The following CACNA1C variants were observed in gnomAD, a reference collection of about 807,000 sequenced individuals.
CACNA1C encodes the protein voltage-dependent L-type calcium channel subunit alpha-1C.
Under a neutral mutation model 229.0 loss-of-function variants are expected in CACNA1C, and 30 were observed. The ratio of observed to expected loss-of-function variants is 0.13; its 90% CI spans 0.10 to 0.18. The LOEUF (loss-of-function observed/expected upper bound fraction) is 0.18, where lower values mean the gene tolerates loss of function less well. Among genes scored for constraint, CACNA1C ranks in the 10% least tolerant of loss-of-function variants. The pLI is 1.00. For missense variants in CACNA1C, 1,658 were observed against 2,845.0 expected, an observed-to-expected ratio of 0.58 and a Z score of 9.49; for synonymous variants, 1,114 against 1,132.5, an observed-to-expected ratio of 0.98 and a Z score of 0.33.
At position 2,147,476 on chromosome 12, in the gene CACNA1C, G is replaced by T. The variant is rs1019530613; in HGVS notation, c.477+27046G>T. On this transcript the variant is annotated intron_variant, in intron 3 of 46. Coordinates refer to ENST00000399655, the MANE Select transcript of CACNA1C (RefSeq NM_000719.7). ...CTAGCTTTATTGGTATTGGGGCTTT[G>T]CCAGAATTATCTGCTATTAAATACT... 2.0e-5 allele frequency among the ~76,000 whole-genome samples: 3 copies of T among 151,302 alleles called. 1 individual carries two copies. Among genetic ancestry groups the T allele is most frequent in the Non-Finnish European group, 4.4e-5 (3 of 67,666 alleles).
At chr12:2,673,489 C>T (rs2096652722) in intron 38 of CACNA1C, among the ~76,000 whole-genome samples, 1 of 151,320 alleles carries the variant, frequency 6.6e-6, no homozygotes, top group South Asian at 2.1e-4. Context: ...AAAAAAGACA[C>T]CCCGTTAGTA....
At chr12:1,993,900 A>G (rs1593265855) in intron 1 of CACNA1C, among the ~76,000 whole-genome samples, 1 of 152,360 alleles carries the variant, frequency 6.6e-6, no homozygotes, top group East Asian at 1.9e-4. Context: ...AGTGATATGA[A>G]GCAACTCTGA....
chr12:2,041,043 T>C (rs1594216674), intron 1 of CACNA1C, among the ~76,000 whole-genome samples: 1 of 152,286 alleles, frequency 6.6e-6, no homozygotes, highest in Non-Finnish European at 1.5e-5. Context: ...TAAATCCTGA[T>C]TGAAGGCCAG....
At chr12:2,201,978 T>C (rs1443803562) in intron 3 of CACNA1C, among the ~76,000 whole-genome samples, 4 of 152,224 alleles carry the variant, frequency 2.6e-5, no homozygotes, top group African/African-American at 4.8e-5. Flanking sequence ...ATTCCAACTT[T>C]ATCATTTGTC....
intron 9 of CACNA1C, among the ~76,000 whole-genome samples, chr12:2,537,960 CT>C (rs2099859880): frequency 6.6e-6 from 1 of 152,154 alleles, no homozygotes; most frequent in Admixed American, 6.5e-5. Flanking sequence ...CTTACTGCCC[CT>C]GCCCCCTCCC....
intron 3 of CACNA1C, among the ~76,000 whole-genome samples, chr12:2,188,117 T>C (rs2097100488): frequency 6.6e-6 from 1 of 152,230 alleles, no homozygotes; most frequent in Non-Finnish European, 1.5e-5. Context: ...AGGGGCCACA[T>C]GGACTGGTAA....
chr12:2,506,217 C>T (rs953504006), intron 8 of CACNA1C, among the ~76,000 whole-genome samples: 4 of 152,148 alleles, frequency 2.6e-5, no homozygotes, highest in Non-Finnish European at 4.4e-5. Context: ...AGCAGAACAA[C>T]GTAAGTCCCT....
At chr12:2,276,122 G>A (rs1479975135) in intron 3 of CACNA1C, among the ~76,000 whole-genome samples, 1 of 151,584 alleles carries the variant, frequency 6.6e-6, no homozygotes, top group Non-Finnish European at 1.5e-5. Context: ...GGTTGGATCC[G>A]CGGGTACAGA....
intron 3 of CACNA1C, among the ~76,000 whole-genome samples, chr12:2,436,074 C>T (rs1434618258): frequency 2.0e-5 from 3 of 152,108 alleles, no homozygotes; most frequent in Admixed American, 6.5e-5. Flanking sequence ...GTCAGGGAGG[C>T]AACTTCTCCA....
At chr12:2,015,798 G>A (rs1194022493) in intron 1 of CACNA1C, among the ~76,000 whole-genome samples, 3 of 152,202 alleles carry the variant, frequency 2.0e-5, no homozygotes, top group Admixed American at 1.3e-4. Context: ...CTCTCAGCTA[G>A]TATGGTACTT....
At chr12:2,016,022 G>T (rs2045299278) in intron 1 of CACNA1C, among the ~76,000 whole-genome samples, 1 of 152,138 alleles carries the variant, frequency 6.6e-6, no homozygotes, top group Non-Finnish European at 1.5e-5. Flanking sequence ...CGATTTCCAG[G>T]CAATGCTCTT....
In CACNA1C at chr12:2,605,101, T is replaced by TGAA; in HGVS notation, c.2984_2986dup (p.Lys995dup). 1 of 1,613,778 alleles carries TGAA rather than the reference T, an allele frequency of 6.2e-7. No homozygotes were observed. Among genetic ancestry groups the TGAA allele is most frequent in the Non-Finnish European group, 8.5e-7 (1 of 1,179,726 alleles). ...CCCAGGTCCAGTGCAATCAATGTCG[T>TGAA]GAAGATCTTGCGAGTCCTGCGAGTA... On this transcript the variant is annotated inframe_insertion, in exon 23 of 47. Coordinates refer to ENST00000399655, the MANE Select transcript of CACNA1C (RefSeq NM_000719.7). The surrounding 1 kb of genome is among the most constrained non-coding windows in gnomAD (Gnocchi z 6.2).
At chr12:2,192,410 C>T (rs1334026255) in intron 3 of CACNA1C, among the ~76,000 whole-genome samples, 4 of 152,146 alleles carry the variant, frequency 2.6e-5, no homozygotes, top group Non-Finnish European at 4.4e-5. Flanking sequence ...CCTTCTTCTG[C>T]GCGTGGATTC....
chr12:2,043,022 A>T (rs1244147155), intron 1 of CACNA1C, among the ~76,000 whole-genome samples: 2 of 152,216 alleles, frequency 1.3e-5, no homozygotes, highest in Non-Finnish European at 2.9e-5. Context: ...CTGGATAATC[A>T]GTTGCAATAG....
In CACNA1C at chr12:2,417,460, T is replaced by C. The variant is rs940045943; in HGVS notation, c.478-31516T>C. Among the ~76,000 whole-genome samples, 72 of 152,254 alleles carry C rather than the reference T, an allele frequency of 4.7e-4. 1 individual carries two copies. The highest frequency in any genetic ancestry group is 1.5e-3 in the African/African-American group (63 of 41,556). On this transcript the variant is annotated intron_variant, in intron 3 of 46. Coordinates refer to ENST00000399655, the MANE Select transcript of CACNA1C (RefSeq NM_000719.7). ...GGCCCTTCCCTGGCCGCTGTTTACC[T>C]TGTCTCTGGGGATAGGGCCCAGGCA...
chr12:2,044,987 T>A (rs117301117), intron 1 of CACNA1C, among the ~76,000 whole-genome samples: 160 of 152,338 alleles, frequency 1.1e-3, no homozygotes, highest in Non-Finnish European at 2.1e-3. Context: ...TCATTTATTA[T>A]TCATCCTTGG....
At chr12:2,531,929 C>A (rs1416809510) in intron 9 of CACNA1C, among the ~76,000 whole-genome samples, 1 of 152,168 alleles carries the variant, frequency 6.6e-6, no homozygotes, top group South Asian at 2.1e-4. Flanking sequence ...CGTGTAGGAA[C>A]TTACCAGTCA....
intron 3 of CACNA1C, among the ~76,000 whole-genome samples, chr12:2,332,821 A>G (rs999189917): frequency 7.2e-5 from 11 of 152,362 alleles, no homozygotes; most frequent in African/African-American, 2.2e-4. Flanking sequence ...CAAAATACGC[A>G]TTATAAATCT....
At chr12:2,147,241 A>G (rs1340795457) in intron 3 of CACNA1C, among the ~76,000 whole-genome samples, 3 of 151,410 alleles carry the variant, frequency 2.0e-5, no homozygotes, top group Non-Finnish European at 4.4e-5. Flanking sequence ...AATTTAGATT[A>G]AATTTCAAGA....
Sources: allele counts gnomAD v4.1 joint callset (sites outside exome capture counted in the v4.1 genomes callset), GRCh38; gene constraint gnomAD v4.1.1; non-coding constraint Gnocchi (gnomAD v3.1); transcripts MANE v1.5; gene names NCBI Gene and HGNC (gene_info 2026-07-23, HGNC 2026-07-21).